Variants in RNF212B observed in about 807,000 individuals in gnomAD.
RNF212B encodes the protein E3 ubiquitin-protein ligase RNF212B.
In RNF212B, 52 loss-of-function variants were observed where a neutral mutation model predicts 55.5. The observed-to-expected ratio is 0.94, with a 90% CI of 0.75 to 1.18. RNF212B has a LOEUF of 1.18. RNF212B is among the 50% of genes most tolerant of loss of function. The pLI, the probability that RNF212B is intolerant of heterozygous loss-of-function variation, is 0.00. For synonymous variants in RNF212B, 99 were observed against 121.4 expected (o/e 0.82, Z 1.21); for missense variants, 289 against 350.4 (o/e 0.82, Z 1.40).
chr14:23,231,730 A>C (rs1215361457), intron 2 of RNF212B, among the ~76,000 whole-genome samples: 4 of 151,788 alleles, frequency 2.6e-5, no homozygotes, highest in African/African-American at 9.7e-5. Context: ...GGCTCACTGC[A>C]ACCTCCCTGC....
At chr14:23,254,178 G>A (rs749385252) in intron 4 of RNF212B, among the ~76,000 whole-genome samples, 2 of 151,810 alleles carry the variant, frequency 1.3e-5, no homozygotes, top group East Asian at 3.9e-4. Context: ...CCAGCTACTC[G>A]GGAGGCTGAA....
chr14:23,243,570 C>T (rs1373725196), intron 3 of RNF212B, among the ~76,000 whole-genome samples: 1 of 151,410 alleles, frequency 6.6e-6, no homozygotes, highest in East Asian at 1.9e-4. Context: ...GTGGTGCGGG[C>T]CTGTAGTCCC....
chr14:23,209,260 C>T (rs984561905), intron 2 of RNF212B, among the ~76,000 whole-genome samples: 5 of 152,150 alleles, frequency 3.3e-5, no homozygotes, highest in South Asian at 2.1e-4. Flanking sequence ...GGGTTTTGGC[C>T]GGTTCCTTTA....
intron 2 of RNF212B, among the ~76,000 whole-genome samples, chr14:23,209,037 C>T (rs1020875976): frequency 3.3e-5 from 5 of 152,142 alleles, no homozygotes; most frequent in South Asian, 2.1e-4. Flanking sequence ...GGATTACAGG[C>T]GTGAGCCACC....
chr14:23,262,528 A>G, intron 7 of RNF212B, 137 bp from the exon 8 acceptor site: 1 of 726,144 alleles, frequency 1.4e-6, no homozygotes, highest in Non-Finnish European at 2.3e-6. Context: ...GATGCTACCT[A>G]TAATACATGA....
upstream of RNF212B, among the ~76,000 whole-genome samples, chr14:23,233,360 C>A (rs1882855761): frequency 6.6e-6 from 1 of 151,460 alleles, no homozygotes; most frequent in Admixed American, 6.6e-5. Context: ...GTCCTATGAC[C>A]CTGCCAAATG....
At chr14:23,196,911 T>C (rs1395570785) in intron 2 of RNF212B, among the ~76,000 whole-genome samples, 1 of 152,106 alleles carries the variant, frequency 6.6e-6, no homozygotes, top group Non-Finnish European at 1.5e-5. Flanking sequence ...TGTTTCAGAG[T>C]CCTCACTTGT....
chr14:23,258,302 C>G (rs548658430), intron 4 of RNF212B, among the ~76,000 whole-genome samples: 2 of 146,014 alleles, frequency 1.4e-5, no homozygotes, highest in East Asian at 4.0e-4. Flanking sequence ...CGCACTATTG[C>G]ACTCTAGCCT....
intron 12 of RNF212B, 34 bp downstream of exon 12, chr14:23,268,997 G>A (rs1885886141): frequency 6.6e-7 from 1 of 1,525,736 alleles, no homozygotes; most frequent in Non-Finnish European, 8.9e-7. Flanking sequence ...TTCTTGGGAT[G>A]TGTTCATACT....
intron 1 of RNF212B, among the ~76,000 whole-genome samples, chr14:23,186,346 A>ATT (rs60915610): frequency 3.5e-4 from 52 of 146,482 alleles, no homozygotes; most frequent in East Asian, 3.0e-3. Context: ...AATTTTGAGC[A>ATT]TTTTTTTTTT....
intron 11 of RNF212B, among the ~76,000 whole-genome samples, chr14:23,265,531 C>CT (rs1302048938): frequency 6.6e-6 from 1 of 152,162 alleles, no homozygotes; most frequent in African/African-American, 2.4e-5. Context: ...TCCCAAATCT[C>CT]TTTTTTTAAT....
At chr14:23,260,721 C>T (rs1885233848) in intron 7 of RNF212B, 34 bp downstream of exon 7, 11 of 1,545,312 alleles carry the variant, frequency 7.1e-6, no homozygotes, top group African/African-American at 2.7e-5. Context: ...TAGCCCAGCC[C>T]CCTGAAAATT....
intron 4 of RNF212B, among the ~76,000 whole-genome samples, chr14:23,246,062 C>T (rs1443970783): frequency 6.6e-6 from 1 of 151,886 alleles, no homozygotes; most frequent in African/African-American, 2.4e-5. Flanking sequence ...GAATTCTTTA[C>T]TCACCTCAAG....
At chr14:23,213,307 C>T (rs1323460921) in intron 2 of RNF212B, among the ~76,000 whole-genome samples, 1 of 143,668 alleles carries the variant, frequency 7.0e-6, no homozygotes, top group Non-Finnish European at 1.5e-5. Flanking sequence ...AGTAAGACTC[C>T]GTCTTAAAAA....
intron 2 of RNF212B, among the ~76,000 whole-genome samples, chr14:23,222,528 G>A (rs1346108512): frequency 6.6e-6 from 1 of 152,074 alleles, no homozygotes; most frequent in Non-Finnish European, 1.5e-5. Context: ...GAGACCCAAT[G>A]GCTTCATTGC....
Position 23,262,958 on chromosome 14 carries a change from G to A in RNF212B, c.512G>A (p.Ser171Asn). 1 of 1,550,514 alleles carries A rather than the reference G, an allele frequency of 6.4e-7. No individual in the cohort carries two copies. The highest frequency in any genetic ancestry group is 8.7e-7 in the Non-Finnish European group (1 of 1,146,954). The change falls in exon 9 of 15, where the codon AGT becomes AAT. Residue 171 changes from serine to asparagine, a missense_variant. Coordinates refer to ENST00000430154, the MANE Select transcript of RNF212B (RefSeq NM_001282322.3). ...VTPRPSFQHS[S>N]QVVSRSSSAE... ...CCACGACCCAGTTTCCAGCATAGCA[G>A]TCAAGTGGTCAGGTAAACCTACACA...
chr14:23,198,150 G>T lies in RNF212B; in HGVS notation c.-2+4749G>T, dbSNP rs1034518654. On this transcript the variant is annotated intron_variant, in intron 2 of 15. Coordinates refer to the RNF212B transcript ENST00000399910. ...TGCGATGGCCTGGCCTGGGCTCAGA[G>T]GCCTGACATTCCTGCCTTCTTATAT... is the stretch of plus-strand genomic sequence containing the variant. Among the ~76,000 whole-genome samples the T allele has an allele frequency of 4.6e-5, 7 of 152,222 alleles. No individual in the cohort carries two copies. The East Asian group carries it at 9.7e-4, about 21-fold the overall frequency.
intron 2 of RNF212B, among the ~76,000 whole-genome samples, chr14:23,226,367 A>T (rs1882017441): frequency 6.6e-6 from 1 of 151,758 alleles, no homozygotes; most frequent in Non-Finnish European, 1.5e-5. Flanking sequence ...GCGGTGGCTC[A>T]CGCCTGTAAT....
At chr14:23,239,450 T>A (rs995403251) in intron 1 of RNF212B, among the ~76,000 whole-genome samples, 1 of 152,180 alleles carries the variant, frequency 6.6e-6, no homozygotes, top group African/African-American at 2.4e-5. Context: ...ATCAGCCCTA[T>A]TTCCCTTAGA....
Sources: allele counts gnomAD v4.1 joint callset (sites outside exome capture counted in the v4.1 genomes callset), GRCh38; gene constraint gnomAD v4.1.1; transcripts MANE v1.5; gene names NCBI Gene and HGNC (gene_info 2026-07-23, HGNC 2026-07-21).